FYB1: variants seen among roughly 807,000 people sequenced by gnomAD.
FYB1 encodes FYN binding protein 1, also known as FYN-binding protein 1.
In FYB1, 41 loss-of-function variants were observed where a neutral mutation model predicts 94.1. The ratio of observed to expected loss-of-function variants is 0.44; its 90% CI spans 0.34 to 0.57. The LOEUF is 0.57. Among genes scored for constraint, FYB1 ranks in the 20% least tolerant of loss-of-function variants. The probability of loss-of-function intolerance (pLI) is 0.02; values close to 1 mark genes in which losing one functional copy is unlikely to be tolerated. For missense variants in FYB1, 1,050 were observed against 976.8 expected (o/e 1.07, Z -1.00); for synonymous variants, 367 against 353.2 (o/e 1.04, Z -0.44).
intron 12 of FYB1, among the ~76,000 whole-genome samples, chr5:39,124,987 T>C (rs1740503842): frequency 6.8e-6 from 1 of 147,944 alleles, no homozygotes; most frequent in Non-Finnish European, 1.5e-5. Flanking sequence ...GAAAGAATGG[T>C]GCACAGAACA....
At chr5:39,118,848 A>G (rs1739806962) in intron 16 of FYB1, 26 bp downstream of exon 16, 1 of 1,381,300 alleles carries the variant, frequency 7.2e-7, no homozygotes, top group Non-Finnish European at 9.6e-7. Context: ...ATATATGCAC[A>G]TATTATAGTA....
At chr5:39,264,756 G>A (rs868085870) in intron 1 of FYB1, among the ~76,000 whole-genome samples, 1 of 152,062 alleles carries the variant, frequency 6.6e-6, no homozygotes, top group East Asian at 1.9e-4. Flanking sequence ...CTGAGAAGAG[G>A]GATGTTTTAT....
intron 16 of FYB1, among the ~76,000 whole-genome samples, chr5:39,114,792 C>T (rs1041377371): frequency 2.6e-5 from 4 of 152,158 alleles, no homozygotes; most frequent in African/African-American, 9.7e-5. Context: ...TTCATTCAAT[C>T]CAGCAAGCCC....
intron 2 of FYB1, among the ~76,000 whole-genome samples, chr5:39,200,429 G>C (rs757972525): frequency 8.5e-5 from 13 of 152,152 alleles, no homozygotes; most frequent in Non-Finnish European, 1.6e-4. Context: ...CTCCTTCCCT[G>C]GTGTGAAGTC....
chr5:39,201,775 T>A, intron 2 of FYB1, 51 bp downstream of exon 2: 1 of 1,492,814 alleles, frequency 6.7e-7, no homozygotes, highest in Non-Finnish European at 9.1e-7. Context: ...GCTAAAACAT[T>A]CTCTGCCTTG....
At chr5:39,120,919 G>T (rs1362032098) in intron 14 of FYB1, among the ~76,000 whole-genome samples, 2 of 151,940 alleles carry the variant, frequency 1.3e-5, no homozygotes, top group Non-Finnish European at 2.9e-5. Context: ...ACTCTCTGGG[G>T]CAATCAGAAT....
In FYB1 at chr5:39,139,213, A is replaced by C; in HGVS notation, c.1359+20T>G. 6.8e-7 allele frequency: 1 copy of C among 1,460,494 alleles called. No homozygotes were observed. Among genetic ancestry groups the C allele is most frequent in the Non-Finnish European group, 9.3e-7 (1 of 1,080,824 alleles). 90.5% of individuals were successfully genotyped at this position (1,460,494 alleles called of 1,614,324 possible). A position where few individuals can be genotyped will look rare whatever the true frequency, so the allele number is the denominator to read the frequency against. On this transcript the variant is annotated intron_variant, in intron 5 of 18. Coordinates refer to ENST00000512982, the MANE Select transcript of FYB1 (RefSeq NM_001465.6). ...ATTCTGATTATGTCAATATAATATG[A>C]GAAGAGAAAAAAATCTGACCTCATC...
chr5:39,255,993 T>A (rs1751922555), intron 1 of FYB1, among the ~76,000 whole-genome samples: 1 of 152,226 alleles, frequency 6.6e-6, no homozygotes, highest in African/African-American at 2.4e-5. Flanking sequence ...CTAGGTCACT[T>A]AAAGGTCCAA....
At chr5:39,159,550 A>C (rs1322509673) in intron 2 of FYB1, among the ~76,000 whole-genome samples, 1 of 152,048 alleles carries the variant, frequency 6.6e-6, no homozygotes, top group Non-Finnish European at 1.5e-5. Flanking sequence ...TCATTCCCAG[A>C]CCCTACCCTT....
At chr5:39,232,633 T>G (rs181605678) in intron 1 of FYB1, among the ~76,000 whole-genome samples, 2 of 151,924 alleles carry the variant, frequency 1.3e-5, no homozygotes, top group East Asian at 3.9e-4. Flanking sequence ...TAGTTACATA[T>G]GTATACATGT....
intron 3 of FYB1, among the ~76,000 whole-genome samples, chr5:39,144,576 T>G (rs1580377081): frequency 6.6e-6 from 1 of 152,122 alleles, no homozygotes; most frequent in South Asian, 2.1e-4. Context: ...CTGAGGTGGG[T>G]GGATCATCTG....
At chr5:39,168,652 T>C (rs181187398) in intron 2 of FYB1, among the ~76,000 whole-genome samples, 27 of 152,322 alleles carry the variant, frequency 1.8e-4, no homozygotes, top group Non-Finnish European at 3.5e-4. Context: ...TAAGTCTAAT[T>C]CTTAAATCTT....
At chr5:39,153,420 A>G (rs760210425) in intron 3 of FYB1, 28 bp downstream of exon 3, 5 of 1,610,848 alleles carry the variant, frequency 3.1e-6, no homozygotes, top group Non-Finnish European at 3.4e-6. Flanking sequence ...AGACTAGGAA[A>G]GAAATCGCAA....
intron 1 of FYB1, among the ~76,000 whole-genome samples, chr5:39,243,815 G>C (rs1427411746): frequency 2.0e-5 from 3 of 152,072 alleles, no homozygotes; most frequent in Admixed American, 6.6e-5. Context: ...CTTTTATTTC[G>C]TTGAGCAGTG....
intron 3 of FYB1, among the ~76,000 whole-genome samples, chr5:39,144,461 A>T (rs1301129147): frequency 6.6e-6 from 1 of 152,130 alleles, no homozygotes; most frequent in Non-Finnish European, 1.5e-5. Flanking sequence ...CAACAAATAA[A>T]TTGCAAAGAA....
At chr5:39,261,755 G>A (rs1490898172) in intron 1 of FYB1, among the ~76,000 whole-genome samples, 1 of 150,984 alleles carries the variant, frequency 6.6e-6, no homozygotes, top group Admixed American at 6.6e-5. Context: ...TCAAAAAAAA[G>A]AAAAGAAAAG....
chr5:39,255,430 G>GCTT (rs1554045314), intron 1 of FYB1, among the ~76,000 whole-genome samples: 1 of 142,892 alleles, frequency 7.0e-6, no homozygotes, highest in African/African-American at 2.6e-5. Flanking sequence ...CCATTCACCT[G>GCTT]TTTTTTTTTT....
chr5:39,168,048 GA>G (rs529246508), intron 2 of FYB1, among the ~76,000 whole-genome samples: 1 of 151,854 alleles, frequency 6.6e-6, no homozygotes, highest in African/African-American at 2.4e-5. Flanking sequence ...ATATTTTAGT[GA>G]AAAAAAATTA....
intron 2 of FYB1, among the ~76,000 whole-genome samples, chr5:39,155,259 T>A (rs1743643609): frequency 6.6e-6 from 1 of 152,214 alleles, no homozygotes; most frequent in Non-Finnish European, 1.5e-5. Context: ...CATATTGCCC[T>A]CTCTCTTCAT....
Sources: allele counts gnomAD v4.1 joint callset (sites outside exome capture counted in the v4.1 genomes callset), GRCh38; gene constraint gnomAD v4.1.1; transcripts MANE v1.5; gene names NCBI Gene and HGNC (gene_info 2026-07-23, HGNC 2026-07-21).